PFKFB2: variants seen among roughly 807,000 people sequenced by gnomAD.
PFKFB2 encodes the protein 6-phosphofructo-2-kinase/fructose-2,6-biphosphatase 2, also known as 6-phosphofructo-2-kinase/fructose-2,6-bisphosphatase 2.
PFKFB2 carries 53 observed loss-of-function variants against 68.0 expected under a neutral mutation model. The ratio of observed to expected loss-of-function variants is 0.78; its 90% CI spans 0.63 to 0.98. The LOEUF is 0.98. Among genes scored for constraint, PFKFB2 ranks in the 50% least tolerant of loss-of-function variants. The pLI is 0.00. For synonymous variants in PFKFB2, 222 were observed against 227.6 expected, an observed-to-expected ratio of 0.98 and a Z score of 0.22; for missense variants, 451 against 642.0, an observed-to-expected ratio of 0.70 and a Z score of 3.22.
intron 8 of PFKFB2, among the ~76,000 whole-genome samples, chr1:207,065,693 G>C (rs1683266926): frequency 1.3e-5 from 2 of 152,124 alleles, no homozygotes; most frequent in Admixed American, 6.5e-5. Context: ...CCAGTCTCTA[G>C]AGCATGATTT....
chr1:207,050,673 G>GC (rs772581663), upstream of PFKFB2: 4 of 1,612,718 alleles, frequency 2.5e-6, no homozygotes, highest in Non-Finnish European at 3.4e-6. Flanking sequence ...CCTGGCCCCA[G>GC]CCCTGATTCC....
Position 207,076,089 on chromosome 1 carries a change from A to G in PFKFB2, c.*3718A>G, listed in dbSNP as rs1313277981. On this transcript the variant is annotated 3_prime_UTR_variant, in exon 15 of 15. Coordinates refer to ENST00000367080, the MANE Select transcript of PFKFB2 (RefSeq NM_006212.2). ...GTTTCCAAAGAAGTTGGAGTTAAGG[A>G]CACAATATATTTGTACCCCTAGACT... 1.0e-6 allele frequency: 1 copy of G among 985,256 alleles called. No individual in the cohort carries two copies. Among genetic ancestry groups the G allele is most frequent in the Admixed American group, 6.1e-5 (1 of 16,264 alleles). The allele number at this position is 985,256 out of a possible 1,614,324, so 61.0% of individuals were successfully genotyped here. A position where few individuals can be genotyped will look rare whatever the true frequency, so the allele number is the denominator to read the frequency against.
Position 207,063,845 on chromosome 1 carries a change from A to G in PFKFB2, c.507+16A>G, listed in dbSNP as rs1683195015. 5 of 1,591,390 alleles carry G rather than the reference A, an allele frequency of 3.1e-6. No homozygotes were observed. In the African/African-American group the frequency reaches 6.8e-5, roughly 21 times the overall value. Reference sequence around the variant, plus strand: ...CAATATTCTGGTTGGTGACACCCCTACATATCATCTCCTCTTCACCTTTTG... The same window carrying G: ...CAATATTCTGGTTGGTGACACCCCTGCATATCATCTCCTCTTCACCTTTTG... On this transcript the variant is annotated intron_variant, in intron 7 of 14. Transcript: ENST00000367080. The surrounding 1 kb of genome is among the most constrained non-coding windows in gnomAD (Gnocchi z 4.1).
upstream of PFKFB2, chr1:207,051,053 C>T: frequency 5.4e-6 from 8 of 1,480,112 alleles, no homozygotes; most frequent in Non-Finnish European, 6.3e-6. Flanking sequence ...CGGGTGGTTG[C>T]AGTTATCGCG....
intron 4 of PFKFB2, 47 bp downstream of exon 4, chr1:207,062,763 C>T (rs766951876): frequency 9.0e-6 from 14 of 1,554,488 alleles, no homozygotes; most frequent in Admixed American, 7.0e-5. Flanking sequence ...CTTTCTTGGC[C>T]GTCATGAGAC....
upstream of PFKFB2, chr1:207,052,236 C>T (rs755065438): frequency 6.2e-7 from 1 of 1,611,746 alleles, no homozygotes; most frequent in Non-Finnish European, 8.5e-7. Flanking sequence ...ATGTTTCCAT[C>T]TTTTCACATC....
upstream of PFKFB2, chr1:207,050,995 G>C: frequency 6.5e-7 from 1 of 1,531,872 alleles, no homozygotes; most frequent in Non-Finnish European, 8.8e-7. Context: ...GCGCCGGGTG[G>C]ACTCCAAAAT....
intron 8 of PFKFB2, chr1:207,065,380 T>A (rs1034848997): frequency 2.3e-6 from 2 of 862,478 alleles, no homozygotes; most frequent in African/African-American, 1.8e-5. Flanking sequence ...AGACAGGGTC[T>A]CACTCTGTCA....
At chr1:207,041,298 T>G (rs1244090869) in intron 1 of PFKFB2, among the ~76,000 whole-genome samples, 1 of 151,810 alleles carries the variant, frequency 6.6e-6, no homozygotes, top group Non-Finnish European at 1.5e-5. Flanking sequence ...TTTTGTTACA[T>G]AGGTATACAT....
At position 207,070,429 on chromosome 1, in the gene PFKFB2, TG is replaced by T. The variant is rs749996666; in HGVS notation, c.1222+23del. ...GCGCAGGTGCCTTTGAGGGAGGGGC[TG>T]GGAGACACATCCAGTGGGAGAGGGC... On this transcript the variant is annotated intron_variant, in intron 12 of 14. Transcript: ENST00000367080. This position sits in a 1 kb window ranked among gnomAD's most constrained non-coding sequence, Gnocchi z 4.2. The T allele has an allele frequency of 1.1e-5, 17 of 1,611,866 alleles. No homozygotes were observed. The Admixed American group carries it at 2.3e-4, about 22-fold the overall frequency.
At position 207,077,490 on chromosome 1, in the gene PFKFB2, G is replaced by A. The variant is rs761077569; in HGVS notation, c.*5119G>A. 1.0e-5 allele frequency: 10 copies of A among 985,448 alleles called. No homozygotes were observed. The highest frequency in any genetic ancestry group is 1.2e-5 in the Non-Finnish European group (10 of 829,784). The allele number at this position is 985,448 out of a possible 1,614,324, so 61.0% of individuals were successfully genotyped here. A position where few individuals can be genotyped will look rare whatever the true frequency, so the allele number is the denominator to read the frequency against. ...GAAGATCAACTTATGCTGGTATGGT[G>A]ATGGTTTTGCTATGGCAAAATCAAA... On this transcript the variant is annotated 3_prime_UTR_variant, in exon 15 of 15. Transcript: ENST00000367080.
intron 12 of PFKFB2, among the ~76,000 whole-genome samples, 169 bp from the exon 13 acceptor site, chr1:207,071,019 A>G (rs1478148578): frequency 1.3e-5 from 2 of 152,026 alleles, no homozygotes; most frequent in African/African-American, 4.8e-5. Flanking sequence ...AGCCACTCAG[A>G]AGGTTGGGTG....
chr1:207,072,281 A>C lies in PFKFB2; in HGVS notation c.1428A>C (p.Ile476=), dbSNP rs1364707670. The C allele has an allele frequency of 6.2e-7, 1 of 1,614,222 alleles. No homozygotes were observed. ...SFTPLSSSNT[I]RRPRNYSVGS... ...CGCCTCTGTCCAGTTCGAATACAAT[A>C]AGGCGTCCAAGAAATTACAGTGTTG... is the stretch of plus-strand genomic sequence containing the variant. Residue 476 remains isoleucine (I), a synonymous_variant, in exon 15 of 15, where the codon ATA becomes ATC. Transcript: ENST00000367080.
chr1:207,049,032 A>C (rs1682665731), upstream of PFKFB2: 1 of 1,613,278 alleles, frequency 6.2e-7, no homozygotes. Flanking sequence ...ACACTTCTCC[A>C]AAGTTGGTAT....
chr1:207,067,574 C>T lies in PFKFB2; in HGVS notation c.708C>T (p.Ser236=). The change falls in exon 9 of 15, where the codon AGC becomes AGT. Residue 236 remains serine (S), a synonymous_variant. Coordinates refer to ENST00000367080, the MANE Select transcript of PFKFB2 (RefSeq NM_006212.2). ...LVNRVQDYIQ[S]KIVYYLMNIH... is the part of the protein sequence containing the mutation. The stretch of plus-strand genomic sequence containing the variant: ...ACAGAGTCCAGGACTACATCCAGAG[C>T]AAGATAGTCTACTACCTCATGAATA... The T allele has an allele frequency of 6.2e-7, 1 of 1,613,682 alleles. No homozygotes were observed. The highest frequency in any genetic ancestry group is 8.5e-7 in the Non-Finnish European group (1 of 1,179,696).
chr1:207,076,182 A>G lies in PFKFB2; in HGVS notation c.*3811A>G, dbSNP rs1683616449. The G allele has an allele frequency of 1.7e-5, 17 of 983,970 alleles. No homozygotes were observed. Among genetic ancestry groups the G allele is most frequent in the Non-Finnish European group, 2.1e-5 (17 of 828,822 alleles). 61.0% of individuals were successfully genotyped at this position (983,970 alleles called of 1,614,324 possible). A position where few individuals can be genotyped will look rare whatever the true frequency, so the allele number is the denominator to read the frequency against. On this transcript the variant is annotated 3_prime_UTR_variant, in exon 15 of 15. Coordinates refer to ENST00000367080, the MANE Select transcript of PFKFB2 (RefSeq NM_006212.2). ...TGCAACCCACATTTGGTCTTCAGAGACACTGGCATTTTGAAGAAACATATG... is the reference window on the plus strand; with the variant it reads ...TGCAACCCACATTTGGTCTTCAGAGGCACTGGCATTTTGAAGAAACATATG...
At chr1:207,061,087 TTA>T (rs1260739299) in intron 2 of PFKFB2, among the ~76,000 whole-genome samples, 7 of 114,670 alleles carry the variant, frequency 6.1e-5, no homozygotes, top group Admixed American at 1.9e-4. Context: ...TTATATATCT[TTA>T]TATATATCTT....
upstream of PFKFB2, chr1:207,049,041 A>G: frequency 6.2e-7 from 1 of 1,613,674 alleles, no homozygotes; most frequent in Non-Finnish European, 8.5e-7. Context: ...CAAAGTTGGT[A>G]TGGCCTGTCT....
At chr1:207,041,073 C>T (rs1397148004) in intron 1 of PFKFB2, among the ~76,000 whole-genome samples, 3 of 151,856 alleles carry the variant, frequency 2.0e-5, no homozygotes, top group South Asian at 2.1e-4. Context: ...GGACTACAGG[C>T]GCCCGCCACC....
Sources: gnomAD v4.1 joint callset for allele counts (sites outside exome capture counted in the v4.1 genomes callset) on GRCh38, gnomAD v4.1.1 for gene constraint, Gnocchi (gnomAD v3.1) non-coding constraint, MANE v1.5 for transcripts, NCBI Gene and HGNC (gene_info 2026-07-23, HGNC 2026-07-21) for gene names.